FARP2: variants seen among roughly 807,000 people sequenced by gnomAD.
FARP2 encodes the protein FERM, ARH/RhoGEF and pleckstrin domain protein 2.
In FARP2, 111 loss-of-function variants were observed where a neutral mutation model predicts 130.5. The observed-to-expected ratio is 0.85, with a 90% CI of 0.73 to 1.00. The LOEUF is 1.00. Among genes scored for constraint, FARP2 ranks in the 50% least tolerant of loss-of-function variants. The probability of loss-of-function intolerance (pLI) is 0.00; values close to 1 mark genes in which losing one functional copy is unlikely to be tolerated. For synonymous variants in FARP2, 504 were observed against 516.9 expected, an observed-to-expected ratio of 0.98 and a Z score of 0.34; for missense variants, 1,385 against 1,346.3, an observed-to-expected ratio of 1.03 and a Z score of -0.45.
intron 10 of FARP2, 47 bp from the exon 11 acceptor site, chr2:241,434,912 TTAA>T (rs770458469): frequency 9.1e-7 from 1 of 1,095,754 alleles, no homozygotes; most frequent in South Asian, 1.3e-5. Context: ...CTCTGAAAAA[TTAA>T]TGCTGACTTA....
chr2:241,493,041 T>C lies in FARP2; in HGVS notation c.2895+5T>C. ...TTCTTCTACAAAACTCATCAGGTAC[T>C]GGAGTTTCACTGGAGCCCAATGCAG... On this transcript the variant is annotated splice_donor_5th_base_variant and intron_variant, in intron 25 of 26. Coordinates refer to ENST00000264042, the MANE Select transcript of FARP2 (RefSeq NM_014808.4). 6.6e-7 allele frequency: 1 copy of C among 1,512,626 alleles called. No homozygotes were observed. The highest frequency in any genetic ancestry group is 9.2e-7 in the Non-Finnish European group (1 of 1,087,112). 93.7% of individuals were successfully genotyped at this position (1,512,626 alleles called of 1,614,324 possible). A position where few individuals can be genotyped will look rare whatever the true frequency, so the allele number is the denominator to read the frequency against.
At chr2:241,469,704 A>G (rs1397344120) in intron 18 of FARP2, among the ~76,000 whole-genome samples, 1 of 152,238 alleles carries the variant, frequency 6.6e-6, no homozygotes, top group African/African-American at 2.4e-5. Flanking sequence ...AGGTAGGCAG[A>G]GTGCTGGAGC....
At chr2:241,432,834 C>T (rs2063126341) in intron 9 of FARP2, among the ~76,000 whole-genome samples, 1 of 152,154 alleles carries the variant, frequency 6.6e-6, no homozygotes, top group African/African-American at 2.4e-5. Flanking sequence ...GGGTTTGAAG[C>T]TTAAGAGATG....
chr2:241,477,578 T>C (rs933521876), intron 19 of FARP2, among the ~76,000 whole-genome samples: 21 of 152,250 alleles, frequency 1.4e-4, no homozygotes, highest in African/African-American at 4.3e-4. Context: ...TGTGGACTTA[T>C]GTTTTCAGTT....
In FARP2 at chr2:241,373,295, G is replaced by T. The variant is rs189244494; in HGVS notation, c.183+5G>T. 1 of 1,402,970 alleles carries T rather than the reference G, an allele frequency of 7.1e-7. No individual in the cohort carries two copies. Among genetic ancestry groups the T allele is most frequent in the South Asian group, 1.7e-5 (1 of 58,554 alleles). The allele number at this position is 1,402,970 out of a possible 1,614,324, so 86.9% of individuals were successfully genotyped here. On this transcript the variant is annotated splice_donor_5th_base_variant and intron_variant, in intron 2 of 26. Transcript: ENST00000264042. ...ATGGAAATATTTGACATTGAGGTAAGAAGCATGATTTTTGGAGGCATATTT... is the reference window on the plus strand; with the variant it reads ...ATGGAAATATTTGACATTGAGGTAATAAGCATGATTTTTGGAGGCATATTT...
At chr2:241,479,520 G>A (rs1333339697) in intron 19 of FARP2, among the ~76,000 whole-genome samples, 1 of 152,230 alleles carries the variant, frequency 6.6e-6, no homozygotes, top group Non-Finnish European at 1.5e-5. Context: ...ACTTCTGAGT[G>A]CCGTTTCAAG....
intron 2 of FARP2, among the ~76,000 whole-genome samples, chr2:241,396,976 C>T (rs1303015076): frequency 6.6e-6 from 1 of 152,172 alleles, no homozygotes; most frequent in Non-Finnish European, 1.5e-5. Context: ...AAATGTGGCA[C>T]ATATACAGCA....
chr2:241,483,207 T>C (rs1435562124), intron 19 of FARP2, among the ~76,000 whole-genome samples: 1 of 152,208 alleles, frequency 6.6e-6, no homozygotes, highest in Non-Finnish European at 1.5e-5. Flanking sequence ...GTATCAGGGC[T>C]CCAGGGCTCC....
At chr2:241,390,228 G>A (rs916928958) in intron 2 of FARP2, among the ~76,000 whole-genome samples, 1 of 152,200 alleles carries the variant, frequency 6.6e-6, no homozygotes, top group South Asian at 2.1e-4. Flanking sequence ...TGTGATGCAG[G>A]ATTTGAGAGT....
chr2:241,399,854 T>G (rs565165612), intron 2 of FARP2, among the ~76,000 whole-genome samples: 22 of 152,132 alleles, frequency 1.4e-4, no homozygotes, highest in Non-Finnish European at 2.9e-4. Context: ...GAGGTTGGAG[T>G]CAGTGCTTAT....
chr2:241,414,273 A>G (rs967450805), intron 7 of FARP2, among the ~76,000 whole-genome samples: 3 of 152,126 alleles, frequency 2.0e-5, no homozygotes, highest in Admixed American at 6.5e-5. Flanking sequence ...AGCTAAGGGG[A>G]AAAGGATTGA....
rs768802413 is a variant in FARP2, at chr2:241,494,062, C to T, written c.3102C>T (p.Ile1034=). The part of the protein sequence containing the change: ...ASSSAGRAPS[I]VQDGPQPSSG... ...GCTCAGCCGGGAGGGCCCCAAGCAT[C>T]GTGCAGGATGGCCCCCAACCCTCCT... Residue 1034 remains isoleucine, a synonymous_variant, in exon 27 of 27, where the codon ATC becomes ATT. Coordinates refer to ENST00000264042, the MANE Select transcript of FARP2 (RefSeq NM_014808.4). The surrounding 1 kb of genome is among the most constrained non-coding windows in gnomAD (Gnocchi z 4.9). The T allele has an allele frequency of 1.7e-5, 25 of 1,429,386 alleles. No homozygotes were observed. In the Admixed American group the frequency reaches 4.0e-4, roughly 23 times the overall value. The allele number at this position is 1,429,386 out of a possible 1,614,324, so 88.5% of individuals were successfully genotyped here.
At chr2:241,399,814 T>C (rs565769426) in intron 2 of FARP2, among the ~76,000 whole-genome samples, 1 of 152,326 alleles carries the variant, frequency 6.6e-6, no homozygotes, top group East Asian at 1.9e-4. Flanking sequence ...CTTTCCGTGA[T>C]TCATATTGAA....
chr2:241,450,558 C>T (rs1009548287), intron 13 of FARP2, among the ~76,000 whole-genome samples: 1 of 151,932 alleles, frequency 6.6e-6, no homozygotes, highest in Non-Finnish European at 1.5e-5. Context: ...CCCAGCTACT[C>T]AGGAGGCTGA....
chr2:241,376,444 C>T (rs1255858918), intron 2 of FARP2, among the ~76,000 whole-genome samples: 3 of 152,334 alleles, frequency 2.0e-5, no homozygotes, highest in Non-Finnish European at 2.9e-5. Context: ...AGGATACAGC[C>T]TCTGGAAGTG....
intron 25 of FARP2, 33 bp from the exon 26 acceptor site, chr2:241,493,260 C>A: frequency 6.2e-7 from 1 of 1,607,182 alleles, no homozygotes. Flanking sequence ...GCAACCCAGC[C>A]CCTGGAACCC....
intron 2 of FARP2, among the ~76,000 whole-genome samples, chr2:241,388,615 AT>A: frequency 6.6e-6 from 1 of 152,338 alleles, no homozygotes; most frequent in Non-Finnish European, 1.5e-5. Context: ...CATCTAGAAT[AT>A]ACTTTTTAAA....
At chr2:241,382,382 C>T (rs2061683993) in intron 2 of FARP2, among the ~76,000 whole-genome samples, 2 of 149,892 alleles carry the variant, frequency 1.3e-5, no homozygotes, top group Non-Finnish European at 3.0e-5. Context: ...CTCCTGGGCT[C>T]AAGCGATCCT....
At chr2:241,441,860 C>G in intron 13 of FARP2, 1 of 476,480 alleles carries the variant, frequency 2.1e-6, no homozygotes, top group Non-Finnish European at 3.8e-6. Context: ...GGCTCTGAGG[C>G]GTTTTCTTTT....
Sources: gnomAD v4.1 joint callset for allele counts (sites outside exome capture counted in the v4.1 genomes callset) on GRCh38, gnomAD v4.1.1 for gene constraint, Gnocchi (gnomAD v3.1) non-coding constraint, MANE v1.5 for transcripts, NCBI Gene and HGNC (gene_info 2026-07-23, HGNC 2026-07-21) for gene names.